FGFR1: variants seen among roughly 807,000 people sequenced by gnomAD.
The protein encoded by FGFR1 is FGFR1/PLAG1 fusion.
Under a neutral mutation model 93.7 loss-of-function variants are expected in FGFR1, and 18 were observed. The ratio of observed to expected loss-of-function variants is 0.19; its 90% CI spans 0.13 to 0.28. FGFR1 has a LOEUF of 0.28. FGFR1 is among the 10% of genes least tolerant of loss of function. The pLI is 1.00. For missense variants in FGFR1, 731 were observed against 1,080.4 expected, an observed-to-expected ratio of 0.68 and a Z score of 4.53; for synonymous variants, 448 against 429.3, an observed-to-expected ratio of 1.04 and a Z score of -0.54.
intron 7 of FGFR1, chr8:38,422,866 C>T: frequency 1.7e-6 from 1 of 598,868 alleles, no homozygotes; most frequent in South Asian, 2.0e-5. Flanking sequence ...CAATACCAAA[C>T]CAAACCAGCC....
At chr8:38,449,107 A>G (rs1830281329) in intron 2 of FGFR1, among the ~76,000 whole-genome samples, 1 of 144,454 alleles carries the variant, frequency 6.9e-6, no homozygotes, top group Non-Finnish European at 1.5e-5. Flanking sequence ...GTCTCAGGAG[A>G]AAAAAAAAAC....
chr8:38,428,880 T>C, intron 3 of FGFR1: 1 of 296,100 alleles, frequency 3.4e-6, no homozygotes. Flanking sequence ...AGTCAGAATT[T>C]TTCTAGCATG....
At chr8:38,435,647 CTTATGTCCTCATTAGAAAGG>C (rs1160275461) in intron 2 of FGFR1, 6 of 152,224 alleles carry the variant, frequency 3.9e-5, no homozygotes, top group African/African-American at 1.2e-4. Flanking sequence ...GTGTCCCTCA[CTTATGTCCTCATTAGAAAGG>C]TCCTTGCCTC....
intron 1 of FGFR1, chr8:38,465,863 G>A (rs1034192293): frequency 4.5e-6 from 1 of 223,392 alleles, no homozygotes; most frequent in Non-Finnish European, 8.9e-6. Context: ...AGGTGCAAAG[G>A]GTAGGGCACA....
intron 2 of FGFR1, among the ~76,000 whole-genome samples, chr8:38,447,394 ACT>A (rs1364319176): frequency 6.5e-4 from 99 of 152,322 alleles, no homozygotes; most frequent in Middle Eastern, 3.4e-3. Context: ...ACCTCAGTTT[ACT>A]CATCTGATTA....
At chr8:38,422,933 A>G in intron 7 of FGFR1, 3 of 703,272 alleles carry the variant, frequency 4.3e-6, no homozygotes, top group Middle Eastern at 2.7e-4. Context: ...TAGGGTGGCA[A>G]GGACAGTCCA....
chr8:38,441,128 T>C (rs892211853), intron 2 of FGFR1, among the ~76,000 whole-genome samples: 2 of 147,738 alleles, frequency 1.4e-5, no homozygotes, highest in Non-Finnish European at 3.0e-5. Flanking sequence ...CACTTGGGAA[T>C]CGCAGGCGCC....
At chr8:38,448,269 A>G (rs898262338) in intron 2 of FGFR1, among the ~76,000 whole-genome samples, 4 of 151,018 alleles carry the variant, frequency 2.6e-5, no homozygotes, top group African/African-American at 2.4e-5. Context: ...ATTATCTAAC[A>G]AAACACCAAT....
At chr8:38,434,504 GA>G in intron 2 of FGFR1, 1 of 383,510 alleles carries the variant, frequency 2.6e-6, no homozygotes, top group Non-Finnish European at 5.0e-6. Context: ...TTCTCATCTG[GA>G]AACGATCCCA....
In FGFR1 at chr8:38,439,149, A is replaced by G. The variant is rs1826472055; in HGVS notation, c.92-9201T>C. Among the ~76,000 whole-genome samples the G allele has an allele frequency of 5.9e-5, 9 of 152,182 alleles. No individual in the cohort carries two copies. In the South Asian group the frequency reaches 1.9e-3, roughly 31 times the overall value. ...TGTTCCTTCCCATTTAAACATGGAA[A>G]AATGGCTCCCAAAGTCACAAAACAG... On this transcript the variant is annotated intron_variant, in intron 2 of 17. Transcript: ENST00000447712.
chr8:38,442,362 G>GGTGTGTGGGTGT (rs1554581713), intron 2 of FGFR1, among the ~76,000 whole-genome samples: 1 of 145,980 alleles, frequency 6.9e-6, no homozygotes, highest in African/African-American at 2.5e-5. Flanking sequence ...TTGTTAAAGT[G>GGTGTGTGGGTGT]GTGTGTGTGT....
intron 6 of FGFR1, among the ~76,000 whole-genome samples, chr8:38,425,485 T>G (rs1820418347): frequency 6.6e-6 from 1 of 152,028 alleles, no homozygotes; most frequent in South Asian, 2.1e-4. Context: ...GGCCACAATC[T>G]CCTTCTTAGA....
intron 7 of FGFR1, chr8:38,423,857 A>T: frequency 5.9e-6 from 1 of 170,278 alleles, no homozygotes; most frequent in Non-Finnish European, 1.3e-5. Flanking sequence ...AAGCTAGGGG[A>T]GGATGAGGTC....
intron 2 of FGFR1, among the ~76,000 whole-genome samples, chr8:38,436,270 G>A (rs1825391986): frequency 6.6e-6 from 1 of 152,114 alleles, no homozygotes; most frequent in African/African-American, 2.4e-5. Context: ...CAGGCACTTG[G>A]GAGGCAGAGG....
chr8:38,429,536 G>A lies in FGFR1; in HGVS notation c.358+146C>T. 2.1e-6 allele frequency: 2 copies of A among 956,694 alleles called. No homozygotes were observed. The highest frequency in any genetic ancestry group is 3.0e-5 in the South Asian group (2 of 65,744). The allele number at this position is 956,694 out of a possible 1,614,324, so 59.3% of individuals were successfully genotyped here. On this transcript the variant is annotated intron_variant, in intron 3 of 17. Transcript: ENST00000447712. The surrounding 1 kb of genome is among the most constrained non-coding windows in gnomAD (Gnocchi z 4.4). Reference sequence around the variant, plus strand: ...TGAGAGCCAAGCCACGCGGCAGGCAGGGAGCAATGTTAGTGGGCAGCAGTT... The same window carrying A: ...TGAGAGCCAAGCCACGCGGCAGGCAAGGAGCAATGTTAGTGGGCAGCAGTT...
intron 2 of FGFR1, among the ~76,000 whole-genome samples, chr8:38,441,494 G>GA (rs770348244): frequency 1.4e-4 from 21 of 152,268 alleles, no homozygotes; most frequent in South Asian, 4.1e-4. Context: ...ATTGTTTACT[G>GA]ATACATTAAG....
At chr8:38,456,330 A>C (rs1832832468) in intron 2 of FGFR1, among the ~76,000 whole-genome samples, 1 of 152,142 alleles carries the variant, frequency 6.6e-6, no homozygotes, top group African/African-American at 2.4e-5. Flanking sequence ...TAATCTCCCA[A>C]GAGGCCTTTC....
At chr8:38,422,222 G>T in intron 7 of FGFR1, 1 of 494,394 alleles carries the variant, frequency 2.0e-6, no homozygotes, top group East Asian at 3.6e-5. Flanking sequence ...GAGCATGCGG[G>T]CGGTGAGCGG....
At position 38,426,428 on chromosome 8, in the gene FGFR1, A is replaced by G. The variant is rs1171274200; in HGVS notation, c.622-183T>C. 6.6e-6 allele frequency among the ~76,000 whole-genome samples: 1 copy of G among 152,212 alleles called. No individual in the cohort carries two copies. The highest frequency in any genetic ancestry group is 6.5e-5 in the Admixed American group (1 of 15,278). On this transcript the variant is annotated intron_variant, in intron 5 of 17. Coordinates refer to ENST00000447712, the MANE Select transcript of FGFR1 (RefSeq NM_023110.3). This position sits in a 1 kb window ranked among gnomAD's most constrained non-coding sequence, Gnocchi z 4.1. Reference sequence around the variant, plus strand: ...CCTACCAGCCCGTTCACACTCTGCAAGCTGGCAGATGGGGTGTAAAGACTC... The same window carrying G: ...CCTACCAGCCCGTTCACACTCTGCAGGCTGGCAGATGGGGTGTAAAGACTC...
Sources: allele counts gnomAD v4.1 joint callset (sites outside exome capture counted in the v4.1 genomes callset), GRCh38; gene constraint gnomAD v4.1.1; non-coding constraint Gnocchi (gnomAD v3.1); transcripts MANE v1.5; gene names NCBI Gene and HGNC (gene_info 2026-07-23, HGNC 2026-07-21).